Variants in FGF14 observed in about 807,000 individuals in gnomAD.
FGF14 encodes the protein fibroblast growth factor homologous factor 4.
Under a neutral mutation model 25.5 loss-of-function variants are expected in FGF14, and 5 were observed. That is an observed-to-expected ratio of 0.20 (90% CI 0.10 to 0.41). The LOEUF is 0.41. Ranked by LOEUF, FGF14 falls within the 10% of genes least tolerant of loss-of-function variation. The pLI is 1.00. For missense variants in FGF14, 222 were observed against 320.1 expected (o/e 0.69, Z 2.34); for synonymous variants, 138 against 118.3 (o/e 1.17, Z -1.08).
intron 3 of FGF14, among the ~76,000 whole-genome samples, chr13:101,864,168 T>C (rs1447265701): frequency 6.6e-6 from 1 of 152,144 alleles, no homozygotes; most frequent in Non-Finnish European, 1.5e-5. Context: ...GGAGAGGTGA[T>C]GCCAGCCCAC....
chr13:101,840,130 A>G (rs1414628720), intron 3 of FGF14, among the ~76,000 whole-genome samples: 4 of 152,026 alleles, frequency 2.6e-5, no homozygotes, highest in Non-Finnish European at 5.9e-5. Context: ...TTCCAATGTA[A>G]AGTGGACACC....
chr13:102,297,199 A>G lies in FGF14; in HGVS notation c.208+104272T>C, dbSNP rs144661892. On this transcript the variant is annotated intron_variant, in intron 1 of 4. Coordinates refer to the FGF14 transcript ENST00000376131. ...ATAATACTCTTCTAAACATGAAGAA[A>G]ATATCAGACAAATTCAAATTGAAGA... 7.1e-3 allele frequency among the ~76,000 whole-genome samples: 1,079 copies of G among 152,228 alleles called. 8 individuals carry two copies. In the Middle Eastern group the frequency reaches 0.088, roughly 12 times the overall value.
chr13:101,945,555 G>T (rs2035748747), intron 1 of FGF14, among the ~76,000 whole-genome samples: 1 of 152,100 alleles, frequency 6.6e-6, no homozygotes, highest in Non-Finnish European at 1.5e-5. Context: ...CTGAACCTCT[G>T]GGCCTGCACC....
intron 3 of FGF14, among the ~76,000 whole-genome samples, chr13:101,788,241 G>C: frequency 6.6e-6 from 1 of 152,000 alleles, no homozygotes; most frequent in Admixed American, 6.6e-5. Context: ...ATAGAGTGCA[G>C]GTACTCCAGG....
intron 3 of FGF14, among the ~76,000 whole-genome samples, chr13:101,784,605 ATTAT>A (rs1274492950): frequency 6.6e-6 from 1 of 152,138 alleles, no homozygotes; most frequent in Non-Finnish European, 1.5e-5. Context: ...CATTCTGAAG[ATTAT>A]TTAACCTTTT....
intron 1 of FGF14, among the ~76,000 whole-genome samples, chr13:101,948,454 T>TA (rs2035950938): frequency 1.5e-5 from 2 of 130,710 alleles, no homozygotes; most frequent in Non-Finnish European, 3.1e-5. Context: ...CCCTAGAACT[T>TA]AAAGTATAAT....
At position 101,799,848 on chromosome 13, in the gene FGF14, G is replaced by A. The variant is rs182015129; in HGVS notation, c.408+68877C>T. 1.3e-3 allele frequency among the ~76,000 whole-genome samples: 201 copies of A among 152,124 alleles called. 1 individual carries two copies. Among genetic ancestry groups the A allele is most frequent in the South Asian group, 8.7e-3 (42 of 4,818 alleles). On this transcript the variant is annotated intron_variant, in intron 3 of 4. Coordinates refer to ENST00000376143, the MANE Select transcript of FGF14 (RefSeq NM_004115.4). ...AACAACTCAAGGGGAAAAGGACACCGAAAAATAGTCTTCAGAATTGTCCAC... is the reference window on the plus strand; with the variant it reads ...AACAACTCAAGGGGAAAAGGACACCAAAAAATAGTCTTCAGAATTGTCCAC...
At chr13:101,797,476 A>T (rs769209699) in intron 3 of FGF14, among the ~76,000 whole-genome samples, 1 of 152,076 alleles carries the variant, frequency 6.6e-6, no homozygotes, top group Non-Finnish European at 1.5e-5. Context: ...TCTACAGTAT[A>T]TAAATGGTAG....
chr13:102,338,727 A>T (rs1345802254), intron 1 of FGF14, among the ~76,000 whole-genome samples: 1 of 152,168 alleles, frequency 6.6e-6, no homozygotes, highest in Admixed American at 6.5e-5. Flanking sequence ...AAAAAATAAG[A>T]AAAGGGCCAG....
Position 102,381,143 on chromosome 13 carries a change from G to C in FGF14, c.208+20328C>G, listed in dbSNP as rs143919182. Among the ~76,000 whole-genome samples the C allele has an allele frequency of 2.6e-5, 4 of 152,138 alleles. No homozygotes were observed. The East Asian group carries it at 7.7e-4, about 29-fold the overall frequency. ...AAGTAAAAAACAGGATGGTTGTATG[G>C]GCAGTCTGAATGCATATTGCTTTCA... On this transcript the variant is annotated intron_variant, in intron 1 of 4. Coordinates refer to the FGF14 transcript ENST00000376131.
chr13:102,279,550 T>C (rs557156450), intron 1 of FGF14, among the ~76,000 whole-genome samples: 1 of 152,256 alleles, frequency 6.6e-6, no homozygotes, highest in East Asian at 1.9e-4. Context: ...ATTTTGTATA[T>C]TGTTGATCAC....
At chr13:101,887,256 T>C (rs977764761) in intron 1 of FGF14, among the ~76,000 whole-genome samples, 4 of 151,816 alleles carry the variant, frequency 2.6e-5, no homozygotes, top group African/African-American at 7.3e-5. Flanking sequence ...TGCCAGAATA[T>C]GGGGGTCAAT....
At chr13:102,133,950 C>T (rs534762287) in intron 1 of FGF14, among the ~76,000 whole-genome samples, 1 of 152,316 alleles carries the variant, frequency 6.6e-6, no homozygotes, top group African/African-American at 2.4e-5. Context: ...TTCTACAAAA[C>T]ACACAAATTA....
intron 1 of FGF14, among the ~76,000 whole-genome samples, chr13:101,895,532 A>T (rs1371501113): frequency 6.6e-6 from 1 of 152,214 alleles, no homozygotes; most frequent in Non-Finnish European, 1.5e-5. Flanking sequence ...CTAAGTAAAG[A>T]ATCACTCAAA....
chr13:101,778,153 A>T (rs2039254327), intron 3 of FGF14, among the ~76,000 whole-genome samples: 1 of 152,174 alleles, frequency 6.6e-6, no homozygotes, highest in Non-Finnish European at 1.5e-5. Flanking sequence ...TATTTACTTA[A>T]GAAGTGGTTA....
chr13:102,273,168 G>C (rs1265886054), intron 1 of FGF14, among the ~76,000 whole-genome samples: 1 of 152,184 alleles, frequency 6.6e-6, no homozygotes, highest in Non-Finnish European at 1.5e-5. Flanking sequence ...AGGTAGCAAC[G>C]CTGGACATAT....
At chr13:101,995,869 G>T (rs932495815) in intron 1 of FGF14, among the ~76,000 whole-genome samples, 7 of 152,148 alleles carry the variant, frequency 4.6e-5, no homozygotes, top group Non-Finnish European at 7.4e-5. Flanking sequence ...GAAGGGTAGT[G>T]GGGGGCTGGG....
intron 1 of FGF14, among the ~76,000 whole-genome samples, chr13:102,259,651 T>A (rs1312054881): frequency 1.3e-5 from 2 of 152,258 alleles, no homozygotes; most frequent in East Asian, 3.9e-4. Context: ...GTTTTTACCT[T>A]CACATTCCCC....
chr13:102,316,706 A>G (rs1566932339), intron 1 of FGF14, among the ~76,000 whole-genome samples: 1 of 152,222 alleles, frequency 6.6e-6, no homozygotes, highest in Non-Finnish European at 1.5e-5. Flanking sequence ...CCATGGTATT[A>G]TTGTAGGCTT....
Sources: gnomAD v4.1 joint callset for allele counts (sites outside exome capture counted in the v4.1 genomes callset) on GRCh38, gnomAD v4.1.1 for gene constraint, MANE v1.5 for transcripts, NCBI Gene and HGNC (gene_info 2026-07-23, HGNC 2026-07-21) for gene names.